NKAIN3: variants seen among roughly 807,000 people sequenced by gnomAD.
NKAIN3 encodes sodium/potassium-transporting ATPase subunit beta-1-interacting protein 3.
Under a neutral mutation model 30.2 loss-of-function variants are expected in NKAIN3, and 25 were observed. The observed-to-expected ratio is 0.83, with a 90% CI of 0.60 to 1.16. The LOEUF (loss-of-function observed/expected upper bound fraction) is 1.16. NKAIN3 is among the 50% of genes most tolerant of loss of function. The pLI is 0.00. For missense variants in NKAIN3, 225 were observed against 254.1 expected, an observed-to-expected ratio of 0.89 and a Z score of 0.78; for synonymous variants, 91 against 89.6, an observed-to-expected ratio of 1.02 and a Z score of -0.09.
intron 1 of NKAIN3, among the ~76,000 whole-genome samples, chr8:62,558,407 A>G (rs1231733831): frequency 2.0e-5 from 3 of 152,004 alleles, no homozygotes; most frequent in African/African-American, 4.8e-5. Context: ...TTTTGGTTCC[A>G]TATGAATTTT....
At chr8:62,506,476 C>CTTTCTTTCTTTTTTTTTTTTTTTTT (rs71559373) in intron 1 of NKAIN3, among the ~76,000 whole-genome samples, 7 of 98,438 alleles carry the variant, frequency 7.1e-5, no homozygotes, top group Non-Finnish European at 1.3e-4. Context: ...TTCTTTCTTT[C>CTTTCTTTCTTTTTTTTTTTTTTTTT]TTTTTTTTTT....
intron 1 of NKAIN3, chr8:62,482,468 A>T (rs926581678): frequency 6.6e-6 from 1 of 152,158 alleles, no homozygotes; most frequent in African/African-American, 2.4e-5. Context: ...GCTCAGGGAG[A>T]GCTGTGGTGG....
intron 1 of NKAIN3, among the ~76,000 whole-genome samples, chr8:62,421,141 G>C (rs891303402): frequency 6.6e-6 from 1 of 152,106 alleles, no homozygotes; most frequent in African/African-American, 2.4e-5. Context: ...ACCATGAGGT[G>C]GATATTTCTT....
intron 1 of NKAIN3, among the ~76,000 whole-genome samples, chr8:62,318,139 A>G (rs1814719981): frequency 6.6e-6 from 1 of 152,168 alleles, no homozygotes; most frequent in South Asian, 2.1e-4. Context: ...GTATCCTGTG[A>G]CTTTGCTGAA....
chr8:62,699,871 A>T (rs77990681), intron 3 of NKAIN3, among the ~76,000 whole-genome samples: 3,414 of 152,290 alleles, frequency 0.022, 99 homozygotes, highest in African/African-American at 0.072. Context: ...TGTTAAAGAA[A>T]ATTTGTACAT....
intron 4 of NKAIN3, among the ~76,000 whole-genome samples, chr8:62,852,658 T>C (rs1182942683): frequency 6.6e-6 from 1 of 152,228 alleles, no homozygotes; most frequent in Non-Finnish European, 1.5e-5. Context: ...GTTGTGTCTT[T>C]GTTCTCGTTG....
At chr8:62,323,826 A>G (rs1815022484) in intron 1 of NKAIN3, among the ~76,000 whole-genome samples, 1 of 152,262 alleles carries the variant, frequency 6.6e-6, no homozygotes, top group South Asian at 2.1e-4. Context: ...CCTTAAGAGC[A>G]TATTGCTAAA....
intron 6 of NKAIN3, among the ~76,000 whole-genome samples, chr8:62,964,955 T>A (rs767571322): frequency 5.3e-5 from 8 of 152,144 alleles, no homozygotes; most frequent in Non-Finnish European, 1.0e-4. Context: ...TTGGGTGTTA[T>A]GAAAGCAAGA....
chr8:62,383,111 T>C (rs936717416), intron 1 of NKAIN3, among the ~76,000 whole-genome samples: 6 of 152,076 alleles, frequency 3.9e-5, no homozygotes, highest in African/African-American at 1.4e-4. Context: ...TCGATGACTT[T>C]GATATTGAAC....
At chr8:62,471,541 C>G (rs2129600040) in intron 1 of NKAIN3, among the ~76,000 whole-genome samples, 1 of 152,294 alleles carries the variant, frequency 6.6e-6, no homozygotes, top group Non-Finnish European at 1.5e-5. Flanking sequence ...TATGCAAACA[C>G]TCAGCTGTCT....
chr8:62,583,613 G>A (rs1435188896), intron 2 of NKAIN3, among the ~76,000 whole-genome samples: 2 of 152,210 alleles, frequency 1.3e-5, no homozygotes, highest in African/African-American at 4.8e-5. Context: ...AGGAACACAG[G>A]TGGTAGTGGG....
intron 4 of NKAIN3, among the ~76,000 whole-genome samples, chr8:62,816,192 T>C (rs1818673508): frequency 6.6e-6 from 1 of 152,210 alleles, no homozygotes; most frequent in Non-Finnish European, 1.5e-5. Flanking sequence ...GAAATACTTT[T>C]TCCTGTAGAT....
chr8:62,401,026 T>TCTCTCTCTCTCTCTCTCTCTCG (rs1803849740), intron 1 of NKAIN3, among the ~76,000 whole-genome samples: 1 of 151,848 alleles, frequency 6.6e-6, no homozygotes, highest in Non-Finnish European at 1.5e-5. Flanking sequence ...TCTCACTCTC[T>TCTCTCTCTCTCTCTCTCTCTCG]CTCTCTCTCT....
intron 5 of NKAIN3, among the ~76,000 whole-genome samples, chr8:62,950,932 A>G (rs1390315462): frequency 6.6e-6 from 1 of 150,814 alleles, no homozygotes; most frequent in Non-Finnish European, 1.5e-5. Flanking sequence ...TGCATGAGCA[A>G]TAAACAGAAT....
chr8:62,626,568 T>TA (rs1203987677), intron 3 of NKAIN3, among the ~76,000 whole-genome samples: 1 of 152,092 alleles, frequency 6.6e-6, no homozygotes, highest in Non-Finnish European at 1.5e-5. Flanking sequence ...GACACATGTC[T>TA]AAAGGCGGGG....
At chr8:62,418,378 C>T (rs1043146762) in intron 1 of NKAIN3, among the ~76,000 whole-genome samples, 2 of 152,144 alleles carry the variant, frequency 1.3e-5, no homozygotes, top group Non-Finnish European at 2.9e-5. Context: ...GTGCTTACTT[C>T]TTCTCTGATA....
At chr8:62,718,624 A>C (rs991006918) in intron 3 of NKAIN3, among the ~76,000 whole-genome samples, 2 of 152,204 alleles carry the variant, frequency 1.3e-5, no homozygotes, top group Non-Finnish European at 2.9e-5. Flanking sequence ...GTAGCTTAGC[A>C]GAACACAGAC....
At chr8:62,582,559 A>T (rs1810339202) in intron 2 of NKAIN3, among the ~76,000 whole-genome samples, 1 of 152,096 alleles carries the variant, frequency 6.6e-6, no homozygotes, top group Non-Finnish European at 1.5e-5. Context: ...CACGAGTATG[A>T]GACAAGTGTG....
chr8:62,852,382 T>A (rs1265834643), intron 4 of NKAIN3, among the ~76,000 whole-genome samples: 1 of 152,180 alleles, frequency 6.6e-6, no homozygotes, highest in Non-Finnish European at 1.5e-5. Context: ...GCTATCAATT[T>A]TGTTGATCTT....
Sources: gnomAD v4.1 joint callset for allele counts (sites outside exome capture counted in the v4.1 genomes callset) on GRCh38, gnomAD v4.1.1 for gene constraint, MANE v1.5 for transcripts, NCBI Gene and HGNC (gene_info 2026-07-23, HGNC 2026-07-21) for gene names.